Variants in TM9SF3 observed in about 807,000 individuals in gnomAD.
TM9SF3 encodes the protein transmembrane 9 superfamily member 3, also known as SM-11044-binding protein.
Under a neutral mutation model 78.6 loss-of-function variants are expected in TM9SF3, and 14 were observed. The ratio of observed to expected loss-of-function variants is 0.18; its 90% CI spans 0.12 to 0.28. The LOEUF (loss-of-function observed/expected upper bound fraction) is 0.28. Among genes scored for constraint, TM9SF3 ranks in the 10% least tolerant of loss-of-function variants. The pLI is 1.00. For synonymous variants in TM9SF3, 231 were observed against 241.7 expected, an observed-to-expected ratio of 0.96 and a Z score of 0.41; for missense variants, 496 against 721.9, an observed-to-expected ratio of 0.69 and a Z score of 3.59.
chr10:96,551,098 T>C (rs1848164052), intron 7 of TM9SF3, 147 bp downstream of exon 7: 1 of 709,300 alleles, frequency 1.4e-6, no homozygotes, highest in South Asian at 2.2e-5. Context: ...ATTATTTAAT[T>C]TGTCTGTCTG....
intron 7 of TM9SF3, among the ~76,000 whole-genome samples, chr10:96,550,007 G>T (rs2181842): frequency 0.99 from 151,228 of 152,244 alleles, 75,118 homozygotes; most frequent in Middle Eastern, 1. Context: ...CTTGGTAGAT[G>T]TGAAATGTTT....
At chr10:96,530,355 C>T (rs911365390) in intron 11 of TM9SF3, among the ~76,000 whole-genome samples, 185 bp downstream of exon 11, 9 of 152,162 alleles carry the variant, frequency 5.9e-5, no homozygotes, top group Non-Finnish European at 1.0e-4. Flanking sequence ...AAGGTATAAA[C>T]ATCACTTGAA....
intron 12 of TM9SF3, 66 bp from the exon 13 acceptor site, chr10:96,527,562 A>G: frequency 1.5e-6 from 2 of 1,296,768 alleles, no homozygotes; most frequent in South Asian, 1.4e-5. Context: ...CAAAGATTTT[A>G]AAGCAAAGAA....
At chr10:96,584,968 C>T (rs186275673) in intron 1 of TM9SF3, among the ~76,000 whole-genome samples, 36 of 152,260 alleles carry the variant, frequency 2.4e-4, no homozygotes, top group African/African-American at 7.9e-4. Flanking sequence ...AACCTTTTAT[C>T]AAATATCTTA....
chr10:96,541,908 G>T (rs1449859019), intron 9 of TM9SF3, among the ~76,000 whole-genome samples: 1 of 152,196 alleles, frequency 6.6e-6, no homozygotes, highest in Non-Finnish European at 1.5e-5. Flanking sequence ...TCGGCTCACA[G>T]ATCCATCCCC....
intron 1 of TM9SF3, among the ~76,000 whole-genome samples, chr10:96,583,493 C>T (rs1368118179): frequency 1.3e-5 from 2 of 152,204 alleles, no homozygotes; most frequent in Non-Finnish European, 2.9e-5. Context: ...TAGAGAACCA[C>T]TCAATACCTA....
intron 5 of TM9SF3, among the ~76,000 whole-genome samples, chr10:96,557,662 C>A (rs141759194): frequency 6.6e-6 from 1 of 152,208 alleles, no homozygotes; most frequent in African/African-American, 2.4e-5. Flanking sequence ...CCTCAAACCA[C>A]AGTAAGCATA....
Position 96,560,637 on chromosome 10 carries a change from C to G in TM9SF3, c.583-901G>C. 7.8e-6 allele frequency: 5 copies of G among 639,058 alleles called. No homozygotes were observed. The East Asian group carries it at 1.0e-4, about 13-fold the overall frequency. 39.6% of individuals were successfully genotyped at this position (639,058 alleles called of 1,614,324 possible). ...CCCTGGAGGTGGTAGCAAGGTTCCA[C>G]AGAAAAAAGTAAAACTTGCTGCTGA... On this transcript the variant is annotated intron_variant, in intron 4 of 14. Transcript: ENST00000371142.
chr10:96,560,146 G>A (rs12242731), intron 4 of TM9SF3: 25 of 743,864 alleles, frequency 3.4e-5, no homozygotes, highest in Middle Eastern at 3.8e-4. Context: ...ATTTATCTCC[G>A]TCTGCCTTCT....
rs188217029 is a variant in TM9SF3 at position 96,544,942 on chromosome 10, C to T, written c.1055-736G>A. On this transcript the variant is annotated intron_variant, in intron 8 of 14. Transcript: ENST00000371142. Reference sequence around the variant, plus strand: ...AAATATGTATTTAAGAGCATTTCTACGTTTGAAAAGAAAAAAAACCAATGT... The same window carrying T: ...AAATATGTATTTAAGAGCATTTCTATGTTTGAAAAGAAAAAAAACCAATGT... 5.4e-5 allele frequency among the ~76,000 whole-genome samples: 8 copies of T among 149,308 alleles called. No homozygotes were observed. The East Asian group carries it at 1.2e-3, about 22-fold the overall frequency.
chr10:96,536,874 A>G (rs1847966484), intron 9 of TM9SF3, among the ~76,000 whole-genome samples: 1 of 152,232 alleles, frequency 6.6e-6, no homozygotes, highest in South Asian at 2.1e-4. Context: ...ATAGAGCACT[A>G]CAGCCTCAAC....
chr10:96,576,867 A>G (rs546862981), intron 1 of TM9SF3, 38 bp from the exon 2 acceptor site: 2 of 1,434,382 alleles, frequency 1.4e-6, no homozygotes, highest in Non-Finnish European at 1.8e-6. Context: ...AAAAAAAAAA[A>G]ACACACTAAT....
At chr10:96,532,948 A>G in intron 10 of TM9SF3, 103 bp downstream of exon 10, 1 of 1,379,632 alleles carries the variant, frequency 7.2e-7, no homozygotes, top group Non-Finnish European at 9.9e-7. Flanking sequence ...TAAGATTGTC[A>G]TTATCATAAA....
intron 14 of TM9SF3, 48 bp downstream of exon 14, chr10:96,527,165 A>T: frequency 6.6e-7 from 1 of 1,504,652 alleles, no homozygotes; most frequent in South Asian, 1.2e-5. Context: ...TTTCGGATTT[A>T]GAGAAACTCA....
At chr10:96,583,535 G>A (rs1225083510) in intron 1 of TM9SF3, among the ~76,000 whole-genome samples, 1 of 152,096 alleles carries the variant, frequency 6.6e-6, no homozygotes, top group Non-Finnish European at 1.5e-5. Flanking sequence ...AGGATAAAGG[G>A]GAATAGAGCA....
At chr10:96,572,682 G>A (rs1022699530) in intron 2 of TM9SF3, among the ~76,000 whole-genome samples, 6 of 151,710 alleles carry the variant, frequency 4.0e-5, no homozygotes, top group East Asian at 1.9e-4. Flanking sequence ...GCCCACCACC[G>A]TGCCCGGCGA....
Position 96,522,241 on chromosome 10 carries a change from A to C in TM9SF3, c.*22T>G. ...CCCTATGAAAAAGAAATTGATCCAA[A>C]GTTCCAGGTTTTCTTGGGTCTCTAG... On this transcript the variant is annotated 3_prime_UTR_variant, in exon 15 of 15. Transcript: ENST00000371142. 6.3e-7 allele frequency: 1 copy of C among 1,592,220 alleles called. No individual in the cohort carries two copies. Among genetic ancestry groups the C allele is most frequent in the Non-Finnish European group, 8.5e-7 (1 of 1,170,272 alleles).
At chr10:96,534,067 G>C (rs1195811916) in intron 9 of TM9SF3, among the ~76,000 whole-genome samples, 1 of 151,330 alleles carries the variant, frequency 6.6e-6, no homozygotes, top group Non-Finnish European at 1.5e-5. Flanking sequence ...AAAACTGAAT[G>C]AAACATGTGA....
At chr10:96,526,456 C>T (rs922215071) in intron 14 of TM9SF3, among the ~76,000 whole-genome samples, 2 of 152,148 alleles carry the variant, frequency 1.3e-5, no homozygotes, top group Non-Finnish European at 2.9e-5. Flanking sequence ...TTCAGGCTCT[C>T]ATGCTTATGC....
Sources: gnomAD v4.1 joint callset for allele counts (sites outside exome capture counted in the v4.1 genomes callset) on GRCh38, gnomAD v4.1.1 for gene constraint, MANE v1.5 for transcripts, NCBI Gene and HGNC (gene_info 2026-07-23, HGNC 2026-07-21) for gene names.